DLG2: variants seen among roughly 807,000 people sequenced by gnomAD.
DLG2 encodes disks large homolog 2.
DLG2 carries 45 observed loss-of-function variants against 132.5 expected under a neutral mutation model. That is an observed-to-expected ratio of 0.34 (90% CI 0.27 to 0.44). DLG2 has a LOEUF of 0.44. Ranked by LOEUF, DLG2 falls within the 20% of genes least tolerant of loss-of-function variation. The pLI is 1.00. For missense variants in DLG2, 1,045 were observed against 1,196.9 expected, an observed-to-expected ratio of 0.87 and a Z score of 1.87; for synonymous variants, 424 against 419.6, an observed-to-expected ratio of 1.01 and a Z score of -0.13.
chr11:84,252,140 CTTTTTTTTT>C (rs1176873990), intron 7 of DLG2, among the ~76,000 whole-genome samples: 10 of 65,356 alleles, frequency 1.5e-4, no homozygotes, highest in African/African-American at 5.5e-4. Flanking sequence ...TTCTTTCTTT[CTTTTTTTTT>C]TTTTTTTTTT....
At chr11:85,267,555 ATGT>A (rs2077290071) in intron 4 of DLG2, among the ~76,000 whole-genome samples, 1 of 152,178 alleles carries the variant, frequency 6.6e-6, no homozygotes, top group South Asian at 2.1e-4. Context: ...TGTAGAATTG[ATGT>A]TGTCAAATAA....
intron 11 of DLG2, among the ~76,000 whole-genome samples, chr11:84,034,144 T>G (rs1314559149): frequency 6.6e-6 from 1 of 151,934 alleles, no homozygotes; most frequent in African/African-American, 2.4e-5. Flanking sequence ...ACCCCATCTT[T>G]CAGCAACCAC....
intron 4 of DLG2, among the ~76,000 whole-genome samples, chr11:85,241,200 A>G (rs917016596): frequency 3.3e-5 from 5 of 151,690 alleles, no homozygotes; most frequent in African/African-American, 1.2e-4. Context: ...GTTATTTGTT[A>G]GTAATGTTTA....
intron 6 of DLG2, among the ~76,000 whole-genome samples, chr11:84,576,872 T>C (rs1054317622): frequency 1.3e-5 from 2 of 152,178 alleles, no homozygotes; most frequent in African/African-American, 4.8e-5. Context: ...CCATATTTTC[T>C]TATTAGTTTT....
chr11:85,030,556 T>G (rs1224726858), intron 6 of DLG2, among the ~76,000 whole-genome samples: 2 of 152,214 alleles, frequency 1.3e-5, no homozygotes, highest in African/African-American at 2.4e-5. Context: ...AGTTGTACTG[T>G]TATTGTTTAC....
At chr11:84,744,180 C>G (rs925553775) in intron 6 of DLG2, among the ~76,000 whole-genome samples, 3 of 152,086 alleles carry the variant, frequency 2.0e-5, no homozygotes, top group Non-Finnish European at 2.9e-5. Context: ...ACAACAACAA[C>G]AAGGACATAG....
At chr11:85,076,145 C>A (rs1312352782) in intron 6 of DLG2, among the ~76,000 whole-genome samples, 1 of 151,892 alleles carries the variant, frequency 6.6e-6, no homozygotes, top group African/African-American at 2.4e-5. Flanking sequence ...GCTAGAGATA[C>A]ACAGATGAAT....
At chr11:84,505,052 G>T (rs1000641617) in intron 7 of DLG2, among the ~76,000 whole-genome samples, 1 of 152,074 alleles carries the variant, frequency 6.6e-6, no homozygotes, top group African/African-American at 2.4e-5. Flanking sequence ...ACTGGACTTG[G>T]ATTCATGAGA....
Position 83,743,449 on chromosome 11 carries a change from T to TTTTTTTTA in DLG2, c.1825+43240_1825+43241insTAAAAAAA, listed in dbSNP as rs1555372680. ...AGGCCATTTTTTTTTTTTTTTTTTT[T>TTTTTTTTA]ATGACAGGGTCTCACTTTGTCACCC... is the stretch of plus-strand genomic sequence containing the variant. On this transcript the variant is annotated intron_variant, in intron 18 of 27. Coordinates refer to ENST00000376104, the MANE Select transcript of DLG2 (RefSeq NM_001142699.3). 3.2e-3 allele frequency among the ~76,000 whole-genome samples: 399 copies of TTTTTTTTA among 124,080 alleles called. 66 individuals are homozygous for TTTTTTTTA. Among genetic ancestry groups the TTTTTTTTA allele is most frequent in the African/African-American group, 0.015 (357 of 24,102 alleles). The allele number at this position is 124,080 out of a possible 152,430, so 81.4% of individuals were successfully genotyped here.
chr11:83,753,772 TG>T (rs1405481493), intron 18 of DLG2, among the ~76,000 whole-genome samples: 1 of 137,808 alleles, frequency 7.3e-6, no homozygotes, highest in Non-Finnish European at 1.5e-5. Flanking sequence ...ATATATGATA[TG>T]GCATATATAT....
At chr11:85,427,106 T>A (rs1248495521) in intron 3 of DLG2, among the ~76,000 whole-genome samples, 3 of 152,116 alleles carry the variant, frequency 2.0e-5, no homozygotes, top group Admixed American at 1.3e-4. Flanking sequence ...GAACAAAGCC[T>A]CCAAGAAATA....
chr11:83,801,704 C>T (rs1213377255), intron 17 of DLG2, among the ~76,000 whole-genome samples: 2 of 152,084 alleles, frequency 1.3e-5, no homozygotes, highest in East Asian at 3.9e-4. Context: ...ATCTCTAATT[C>T]ATCTGGTTTT....
intron 7 of DLG2, among the ~76,000 whole-genome samples, chr11:84,464,857 T>C (rs2099089886): frequency 6.6e-6 from 1 of 151,044 alleles, no homozygotes; most frequent in Non-Finnish European, 1.5e-5. Flanking sequence ...TGGGAATACT[T>C]TCTCCCAACT....
rs2060821818 is a variant in DLG2, at chr11:84,714,540, T to C, written c.358-179809A>G. On this transcript the variant is annotated intron_variant, in intron 6 of 27. Coordinates refer to ENST00000376104, the MANE Select transcript of DLG2 (RefSeq NM_001142699.3). ...ACAACCCATTTCCTCTTTCTCTTTC[T>C]CTTTCTCTTTCTCTCTCTTTCTCTT... 2.8e-5 allele frequency among the ~76,000 whole-genome samples: 3 copies of C among 107,670 alleles called. No individual in the cohort carries two copies. The South Asian group carries it at 8.0e-4, about 29-fold the overall frequency. The allele number at this position is 107,670 out of a possible 152,430, so 70.6% of individuals were successfully genotyped here. A position where few individuals can be genotyped will look rare whatever the true frequency, so the allele number is the denominator to read the frequency against.
chr11:84,589,514 A>C (rs945526019), intron 6 of DLG2, among the ~76,000 whole-genome samples: 12 of 152,174 alleles, frequency 7.9e-5, no homozygotes, highest in Admixed American at 1.3e-4. Flanking sequence ...GGAGGAGAAC[A>C]AATCCCTTAT....
intron 7 of DLG2, among the ~76,000 whole-genome samples, chr11:84,430,707 C>T (rs1025622387): frequency 2.6e-5 from 4 of 152,172 alleles, no homozygotes; most frequent in Non-Finnish European, 4.4e-5. Context: ...GACCTTATAA[C>T]AGTTGTGCTT....
At chr11:83,577,649 T>C (rs1258094943) in intron 19 of DLG2, among the ~76,000 whole-genome samples, 2 of 124,946 alleles carry the variant, frequency 1.6e-5, no homozygotes, top group Admixed American at 9.0e-5. Flanking sequence ...GATATATTTA[T>C]AATATATAAT....
intron 3 of DLG2, chr11:85,469,323 A>G (rs549025161): frequency 6.6e-6 from 1 of 152,344 alleles, no homozygotes; most frequent in Admixed American, 6.5e-5. Flanking sequence ...AAATAAAATC[A>G]ATCAGATATC....
chr11:84,103,027 C>T (rs1024861675), intron 9 of DLG2, among the ~76,000 whole-genome samples: 2 of 152,028 alleles, frequency 1.3e-5, no homozygotes, highest in Non-Finnish European at 2.9e-5. Flanking sequence ...ATGTAACTTG[C>T]CCTGTGTTTC....
Sources: gnomAD v4.1 joint callset for allele counts (sites outside exome capture counted in the v4.1 genomes callset) on GRCh38, gnomAD v4.1.1 for gene constraint, MANE v1.5 for transcripts, NCBI Gene and HGNC (gene_info 2026-07-23, HGNC 2026-07-21) for gene names.